Variants in DNAJA1 observed in about 807,000 individuals in gnomAD.
DNAJA1 encodes DnaJ heat shock protein family (Hsp40) member A1, also known as dnaJ homolog subfamily A member 1.
In DNAJA1, 26 loss-of-function variants were observed where a neutral mutation model predicts 47.6. That is an observed-to-expected ratio of 0.55 (90% CI 0.40 to 0.76). DNAJA1 has a LOEUF of 0.76. Ranked by LOEUF, DNAJA1 falls within the 30% of genes least tolerant of loss-of-function variation. The pLI, the probability that DNAJA1 is intolerant of heterozygous loss-of-function variation, is 0.00. For synonymous variants in DNAJA1, 165 were observed against 158.4 expected, an observed-to-expected ratio of 1.04 and a Z score of -0.31; for missense variants, 315 against 485.0, an observed-to-expected ratio of 0.65 and a Z score of 3.29.
intron 3 of DNAJA1, 34 bp downstream of exon 3, chr9:33,027,024 A>C (rs747578951): frequency 6.2e-7 from 1 of 1,608,258 alleles, no homozygotes; most frequent in Non-Finnish European, 8.5e-7. Context: ...CAGCTAACTA[A>C]AGTTAGCTGT....
chr9:33,032,500 A>G (rs1193133192), intron 5 of DNAJA1, among the ~76,000 whole-genome samples: 1 of 152,178 alleles, frequency 6.6e-6, no homozygotes, highest in Non-Finnish European at 1.5e-5. Context: ...AGCTGAGGGG[A>G]AAAAAATTGG....
chr9:33,038,978 T>G lies in DNAJA1; in HGVS notation c.*75T>G. The stretch of plus-strand genomic sequence containing the variant: ...TGAGTGAAGGACTGTAATCATAATA[T>G]GCTCACTACTTGCTCTTGTTTTTGT... On this transcript the variant is annotated 3_prime_UTR_variant, in exon 9 of 9. Transcript: ENST00000330899. 7.6e-7 allele frequency: 1 copy of G among 1,308,890 alleles called. No homozygotes were observed. Among genetic ancestry groups the G allele is most frequent in the Non-Finnish European group, 1.1e-6 (1 of 934,674 alleles). 81.1% of individuals were successfully genotyped at this position (1,308,890 alleles called of 1,614,324 possible). A position where few individuals can be genotyped will look rare whatever the true frequency, so the allele number is the denominator to read the frequency against.
At position 33,039,015 on chromosome 9, in the gene DNAJA1, A is replaced by G; in HGVS notation, c.*112A>G. The G allele has an allele frequency of 9.4e-7, 1 of 1,062,892 alleles. No individual in the cohort carries two copies. Among genetic ancestry groups the G allele is most frequent in the Non-Finnish European group, 1.3e-6 (1 of 741,810 alleles). 65.8% of individuals were successfully genotyped at this position (1,062,892 alleles called of 1,614,324 possible). A position where few individuals can be genotyped will look rare whatever the true frequency, so the allele number is the denominator to read the frequency against. ...GCTCTTGTTTTTGTTTTAATAAACTATAGTAGTGTTTTAAAAAGTTAAATG... is the reference window on the plus strand; with the variant it reads ...GCTCTTGTTTTTGTTTTAATAAACTGTAGTAGTGTTTTAAAAAGTTAAATG... On this transcript the variant is annotated 3_prime_UTR_variant, in exon 9 of 9. Transcript: ENST00000330899.
intron 6 of DNAJA1, 135 bp from the exon 7 acceptor site, chr9:33,036,439 A>C: frequency 1.8e-6 from 1 of 567,020 alleles, no homozygotes; most frequent in Admixed American, 3.3e-5. Flanking sequence ...GCTCTGCTTG[A>C]TTTTTACAAT....
chr9:33,033,112 C>G (rs1423660347), intron 5 of DNAJA1, among the ~76,000 whole-genome samples: 1 of 151,474 alleles, frequency 6.6e-6, no homozygotes, highest in East Asian at 1.9e-4. Flanking sequence ...TTGCCCAAAC[C>G]CTTACTGAAC....
intron 5 of DNAJA1, among the ~76,000 whole-genome samples, chr9:33,031,587 A>T (rs1416610612): frequency 6.6e-6 from 1 of 151,648 alleles, no homozygotes; most frequent in Non-Finnish European, 1.5e-5. Context: ...GTGCACCACC[A>T]CACCTGGCTA....
rs1839079667 is a variant in DNAJA1 at position 33,039,089 on chromosome 9, T to C, written c.*186T>C. The C allele has an allele frequency of 1.9e-4, 112 of 604,560 alleles. 3 individuals are homozygous for C. In the South Asian group the frequency reaches 2.3e-3, roughly 12 times the overall value. 37.4% of individuals were successfully genotyped at this position (604,560 alleles called of 1,614,324 possible). ...CTCTGATTTTGCCCTGTATGTATGA[T>C]GACTTCAGTGTGCAAGATGAAGTTT... On this transcript the variant is annotated 3_prime_UTR_variant, in exon 9 of 9. Transcript: ENST00000330899.
At position 33,036,575 on chromosome 9, in the gene DNAJA1, CGAG is replaced by C. The variant is rs1421562098; in HGVS notation, c.764_766del (p.Gly255del). ...AAATATGTGTCATATTTTATGCAGA[CGAG>C]GAGAAGACCTTTTCATGTGTATGGA... On this transcript the variant is annotated inframe_deletion and splice_region_variant, in exon 7 of 9. Coordinates refer to ENST00000330899, the MANE Select transcript of DNAJA1 (RefSeq NM_001539.4). 2.5e-6 allele frequency: 4 copies of C among 1,598,270 alleles called. No homozygotes were observed. The highest frequency in any genetic ancestry group is 2.6e-6 in the Non-Finnish European group (3 of 1,169,708).
intron 5 of DNAJA1, among the ~76,000 whole-genome samples, chr9:33,033,710 A>G (rs532367182): frequency 6.6e-6 from 1 of 152,304 alleles, no homozygotes; most frequent in African/African-American, 2.4e-5. Context: ...TATAGATTTA[A>G]AATTTTTTTA....
intron 4 of DNAJA1, 97 bp downstream of exon 4, chr9:33,030,086 T>C: frequency 2.5e-6 from 3 of 1,197,978 alleles, no homozygotes; most frequent in East Asian, 2.5e-5. Flanking sequence ...TATGTAAAAT[T>C]GATTCATGTA....
At chr9:33,026,691 A>G in intron 2 of DNAJA1, 75 bp downstream of exon 2, 1 of 1,564,932 alleles carries the variant, frequency 6.4e-7, no homozygotes, top group Non-Finnish European at 8.6e-7. Flanking sequence ...ATGGCCTGAA[A>G]TCGAGTATCT....
Position 33,037,070 on chromosome 9 carries a change from T to C in DNAJA1, c.930T>C (p.Ile310=), listed in dbSNP as rs961196201. The change falls in exon 8 of 9, where the codon ATT becomes ATC. Residue 310 remains isoleucine (I), a synonymous_variant. Transcript: ENST00000330899. ...GTGTACTAAATGAAGGCATGCCAAT[T>C]TATCGTAGACCATATGAAAAGGGTC... ...IKCVLNEGMP[I]YRRPYEKGRL... The C allele has an allele frequency of 6.2e-7, 1 of 1,614,084 alleles. No homozygotes were observed. The highest frequency in any genetic ancestry group is 8.5e-7 in the Non-Finnish European group (1 of 1,180,006).
intron 5 of DNAJA1, among the ~76,000 whole-genome samples, chr9:33,033,338 T>C (rs1838989237): frequency 6.6e-6 from 1 of 152,054 alleles, no homozygotes; most frequent in South Asian, 2.1e-4. Flanking sequence ...ATCCTCAGGG[T>C]ATCCTCCTGA....
At chr9:33,027,708 G>T (rs1287496157) in intron 3 of DNAJA1, among the ~76,000 whole-genome samples, 1 of 151,974 alleles carries the variant, frequency 6.6e-6, no homozygotes, top group Admixed American at 6.6e-5. Flanking sequence ...GAATTAGCTG[G>T]GCGTGGTGGT....
Position 33,036,616 on chromosome 9 carries a change from T to C in DNAJA1, c.801T>C (p.Val267=). 6.2e-7 allele frequency: 1 copy of C among 1,614,034 alleles called. No homozygotes were observed. The highest frequency in any genetic ancestry group is 8.5e-7 in the Non-Finnish European group (1 of 1,179,930). ...DLFMCMDIQL[V]EALCGFQKPI... is the part of the protein sequence containing the mutation. ...TCATGTGTATGGACATACAGCTCGT[T>C]GAAGCACTGTGTGGCTTCCAGAAGC... is the stretch of plus-strand genomic sequence containing the variant. The change falls in exon 7 of 9, where the codon GTT becomes GTC. Residue 267 remains valine (V), a synonymous_variant. Coordinates refer to ENST00000330899, the MANE Select transcript of DNAJA1 (RefSeq NM_001539.4).
chr9:33,025,787 G>A (rs1301162724), intron 1 of DNAJA1, among the ~76,000 whole-genome samples: 2 of 152,216 alleles, frequency 1.3e-5, no homozygotes, highest in African/African-American at 4.8e-5. Context: ...GGAGACTGCG[G>A]CTTTTGGTTT....
intron 4 of DNAJA1, 135 bp downstream of exon 4, chr9:33,030,124 G>C: frequency 1.2e-6 from 1 of 839,522 alleles, no homozygotes; most frequent in Non-Finnish European, 1.8e-6. Flanking sequence ...GGGAGGAGAG[G>C]GCAGATATGA....
intron 8 of DNAJA1, among the ~76,000 whole-genome samples, chr9:33,038,403 G>A (rs1839067339): frequency 6.6e-6 from 1 of 152,272 alleles, no homozygotes; most frequent in Admixed American, 6.5e-5. Flanking sequence ...GATGGGTTTT[G>A]GTATTAAAAA....
intron 6 of DNAJA1, among the ~76,000 whole-genome samples, chr9:33,035,944 A>G (rs935538502): frequency 4.6e-5 from 7 of 152,184 alleles, no homozygotes; most frequent in African/African-American, 7.2e-5. Flanking sequence ...ACATATCCTC[A>G]TTGTTTAATT....
Sources: allele counts gnomAD v4.1 joint callset (sites outside exome capture counted in the v4.1 genomes callset), GRCh38; gene constraint gnomAD v4.1.1; transcripts MANE v1.5; gene names NCBI Gene and HGNC (gene_info 2026-07-23, HGNC 2026-07-21).